TNRC6B: variants seen among roughly 807,000 people sequenced by gnomAD.
TNRC6B encodes the protein trinucleotide repeat-containing gene 6B protein.
TNRC6B carries 52 observed loss-of-function variants against 203.6 expected under a neutral mutation model. The observed-to-expected ratio is 0.26, with a 90% CI of 0.20 to 0.32. The LOEUF is 0.32. TNRC6B is among the 10% of genes least tolerant of loss of function. TNRC6B has a pLI of 1.00. For missense variants in TNRC6B, 1,923 were observed against 2,286.2 expected (o/e 0.84, Z 3.24); for synonymous variants, 838 against 845.7 (o/e 0.99, Z 0.16).
intron 1 of TNRC6B, among the ~76,000 whole-genome samples, chr22:40,091,373 G>C (rs181149534): frequency 2.6e-5 from 4 of 152,140 alleles, no homozygotes; most frequent in East Asian, 1.9e-4. Flanking sequence ...AAGAATTACA[G>C]AGGACAGAGC....
At chr22:40,211,158 G>A (rs1480314122) in intron 1 of TNRC6B, among the ~76,000 whole-genome samples, 1 of 152,068 alleles carries the variant, frequency 6.6e-6, no homozygotes, top group African/African-American at 2.4e-5. Flanking sequence ...TGTCATCCAG[G>A]CTGGAGTGTA....
At chr22:40,139,213 G>A (rs960760357) in intron 3 of TNRC6B, among the ~76,000 whole-genome samples, 5 of 151,994 alleles carry the variant, frequency 3.3e-5, no homozygotes, top group Non-Finnish European at 5.9e-5. Flanking sequence ...TCTGTGTGAT[G>A]TGAGACTTCT....
At chr22:40,216,402 C>G (rs1464051164) in intron 1 of TNRC6B, among the ~76,000 whole-genome samples, 1 of 152,146 alleles carries the variant, frequency 6.6e-6, no homozygotes, top group East Asian at 1.9e-4. Flanking sequence ...GGAACTAAGT[C>G]AGTGTTTTTT....
intron 1 of TNRC6B, among the ~76,000 whole-genome samples, chr22:40,240,158 C>G (rs1327048456): frequency 6.6e-6 from 1 of 152,126 alleles, no homozygotes; most frequent in Non-Finnish European, 1.5e-5. Context: ...TATTCAGGTA[C>G]AAGTCACTTC....
chr22:40,126,249 A>T (rs924214598), intron 3 of TNRC6B, among the ~76,000 whole-genome samples: 13 of 151,988 alleles, frequency 8.6e-5, no homozygotes, highest in Non-Finnish European at 1.9e-4. Context: ...TACAAATTTT[A>T]TTTTATTTTA....
Position 40,115,998 on chromosome 22 carries a change from T to C in TNRC6B, c.-120-1057T>C, listed in dbSNP as rs530897597. On this transcript the variant is annotated intron_variant, in intron 1 of 23. Coordinates refer to the TNRC6B transcript ENST00000301923. The stretch of plus-strand genomic sequence containing the variant: ...TCTCATCACAGTTCCATCTGAGATG[T>C]ATTGATTCAAACACTATTAAATAAA... Among the ~76,000 whole-genome samples the C allele has an allele frequency of 5.6e-4, 85 of 152,326 alleles. 1 individual carries two copies. The South Asian group carries it at 0.017, about 31-fold the overall frequency.
intron 12 of TNRC6B, among the ~76,000 whole-genome samples, chr22:40,296,080 C>G (rs1164832713): frequency 6.6e-6 from 1 of 152,126 alleles, no homozygotes; most frequent in Non-Finnish European, 1.5e-5. Flanking sequence ...CCACAGTACC[C>G]TCTTTACTAC....
At chr22:40,184,027 T>G (rs1188964538) in intron 1 of TNRC6B, among the ~76,000 whole-genome samples, 9 of 152,174 alleles carry the variant, frequency 5.9e-5, no homozygotes, top group Admixed American at 5.2e-4. Context: ...AAATGAAAAT[T>G]TAGGTCCATT....
At position 40,288,732 on chromosome 22, in the gene TNRC6B, G is replaced by A. The variant is rs534882731; in HGVS notation, c.3708+2962G>A. ...TAATTTTTGTATTTTTAGTAGAGACGGCATTTCACTATGTTGGCCAGGCTG... is the reference window on the plus strand; with the variant it reads ...TAATTTTTGTATTTTTAGTAGAGACAGCATTTCACTATGTTGGCCAGGCTG... On this transcript the variant is annotated intron_variant, in intron 12 of 22. Transcript: ENST00000454349. 7.2e-5 allele frequency among the ~76,000 whole-genome samples: 11 copies of A among 151,754 alleles called. No individual in the cohort carries two copies. In the South Asian group the frequency reaches 1.7e-3, roughly 23 times the overall value.
In TNRC6B at chr22:40,078,509, C is replaced by G. The variant is rs7284980; in HGVS notation, c.-121+33511C>G. 2.0e-5 allele frequency among the ~76,000 whole-genome samples: 3 copies of G among 151,890 alleles called. No individual in the cohort carries two copies. In the East Asian group the frequency reaches 5.8e-4, roughly 29 times the overall value. ...ATTGCACTCCAGCCAGGAGATGGAA[C>G]GAGACCCTGTCTCAAAAGAAAATTA... On this transcript the variant is annotated intron_variant, in intron 1 of 23. Coordinates refer to the TNRC6B transcript ENST00000301923.
intron 1 of TNRC6B, among the ~76,000 whole-genome samples, chr22:40,212,716 G>C (rs940647480): frequency 2.6e-5 from 4 of 151,960 alleles, no homozygotes; most frequent in African/African-American, 9.7e-5. Context: ...TGTTGCCCAG[G>C]CTGGAGTGCA....
At chr22:40,229,949 C>T (rs1405559277) in intron 1 of TNRC6B, among the ~76,000 whole-genome samples, 1 of 152,160 alleles carries the variant, frequency 6.6e-6, no homozygotes, top group Non-Finnish European at 1.5e-5. Context: ...TGGACATACG[C>T]TTTCTTTTCT....
At chr22:40,178,178 T>A (rs1353992742) in intron 1 of TNRC6B, 38 bp downstream of exon 1, 2 of 1,610,692 alleles carry the variant, frequency 1.2e-6, no homozygotes, top group Non-Finnish European at 1.7e-6. Flanking sequence ...ACCAATTGAT[T>A]TATATGGATC....
At position 40,323,048 on chromosome 22, in the gene TNRC6B, C is replaced by T; in HGVS notation, c.5309C>T (p.Thr1770Ile). The T allele has an allele frequency of 1.2e-6, 2 of 1,601,712 alleles. No individual in the cohort carries two copies. The highest frequency in any genetic ancestry group is 1.1e-5 in the South Asian group (1 of 89,724). Reference sequence around the variant, plus strand: ...GCTCTGAATCTTTTTGGTGGGTCCACTGGGCTCGGGCAGTGGAGCAGCAGC... The same window carrying T: ...GCTCTGAATCTTTTTGGTGGGTCCATTGGGCTCGGGCAGTGGAGCAGCAGC... ...GPALNLFGGS[T>I]GLGQWSSSAG... The change falls in exon 23 of 23, where the codon ACT (threonine) becomes ATT (isoleucine). Residue 1770 changes from threonine (T) to isoleucine (I), a missense_variant. Physicochemically the swap from Thr to Ile is moderately conservative, Grantham distance 89. Around this residue, in one of 8 missense-constraint regions of TNRC6B, gnomAD observed 126 missense variants for 137.5 expected, o/e 0.92. Coordinates refer to ENST00000454349, the MANE Select transcript of TNRC6B (RefSeq NM_001162501.2).
intron 1 of TNRC6B, among the ~76,000 whole-genome samples, chr22:40,211,542 C>T (rs1360786467): frequency 6.6e-6 from 1 of 152,112 alleles, no homozygotes; most frequent in Non-Finnish European, 1.5e-5. Flanking sequence ...TACTGTGGCT[C>T]TCTGGGTTGT....
intron 1 of TNRC6B, among the ~76,000 whole-genome samples, chr22:40,195,199 T>C (rs1433107958): frequency 6.6e-6 from 1 of 152,252 alleles, no homozygotes; most frequent in Non-Finnish European, 1.5e-5. Context: ...TTTTCTTGGA[T>C]GTAAACAAAT....
Position 40,323,019 on chromosome 22 carries a change from A to G in TNRC6B, c.5280A>G (p.Gly1760=), listed in dbSNP as rs2071356976. 1 of 1,604,278 alleles carries G rather than the reference A, an allele frequency of 6.2e-7. No homozygotes were observed. The highest frequency in any genetic ancestry group is 8.5e-7 in the Non-Finnish European group (1 of 1,175,140). The change falls in exon 23 of 23, where the codon GGA becomes GGG. Residue 1760 remains glycine, a synonymous_variant. Coordinates refer to ENST00000454349, the MANE Select transcript of TNRC6B (RefSeq NM_001162501.2). ...GCCAGAACCAGTCAGATCCCGTGGGACCTGCTCTGAATCTTTTTGGTGGGT... is the reference window on the plus strand; with the variant it reads ...GCCAGAACCAGTCAGATCCCGTGGGGCCTGCTCTGAATCTTTTTGGTGGGT... ...ETGQNQSDPV[G]PALNLFGGST...
intron 1 of TNRC6B, among the ~76,000 whole-genome samples, chr22:40,101,790 A>G (rs1191405281): frequency 1.3e-5 from 2 of 152,218 alleles, no homozygotes; most frequent in Non-Finnish European, 2.9e-5. Flanking sequence ...TTCCCAGTTC[A>G]AGAATCTGCA....
In TNRC6B at chr22:40,315,996, A is replaced by G; in HGVS notation, c.4958A>G (p.His1653Arg). 1 of 1,613,726 alleles carries G rather than the reference A, an allele frequency of 6.2e-7. No homozygotes were observed. Reference protein sequence around the residue: ...SVRPSYWLVLHNLTPQIDGST... With the variant: ...SVRPSYWLVLRNLTPQIDGST... ...CGTCCTAGTTACTGGCTGGTTCTTC[A>G]CAATCTCACCCCACAGGTAATTATG... Residue 1653 changes from histidine to arginine, a missense_variant, in exon 21 of 23, where the codon CAC becomes CGC. His to Arg is a conservative substitution (Grantham distance 29). Coordinates refer to ENST00000454349, the MANE Select transcript of TNRC6B (RefSeq NM_001162501.2).
Sources: gnomAD v4.1 joint callset for allele counts (sites outside exome capture counted in the v4.1 genomes callset) on GRCh38, gnomAD v4.1.1 for gene constraint, gnomAD v4.1.1 regional missense constraint, MANE v1.5 for transcripts, NCBI Gene and HGNC (gene_info 2026-07-23, HGNC 2026-07-21) for gene names.